Variants in RAD18 observed in about 807,000 individuals in gnomAD.
RAD18 encodes E3 ubiquitin-protein ligase RAD18.
In RAD18, 47 loss-of-function variants were observed where a neutral mutation model predicts 60.4. The ratio of observed to expected loss-of-function variants is 0.78; its 90% confidence interval spans 0.62 to 0.99. The LOEUF (loss-of-function observed/expected upper bound fraction) is 0.99. Among genes scored for constraint, RAD18 ranks in the 50% least tolerant of loss-of-function variants. The probability of loss-of-function intolerance (pLI) is 0.00; values close to 1 mark genes in which losing one functional copy is unlikely to be tolerated. For missense variants in RAD18, 640 were observed against 593.3 expected, an observed-to-expected ratio of 1.08 and a Z score of -0.82; for synonymous variants, 225 against 195.5, an observed-to-expected ratio of 1.15 and a Z score of -1.26.
Position 8,878,318 on chromosome 3 carries a change from G to C in RAD18, c.*3039C>G, listed in dbSNP as rs2125042832. 6.6e-6 allele frequency: 1 copy of C among 152,222 alleles called. No homozygotes were observed. The highest frequency in any genetic ancestry group is 1.9e-4 in the East Asian group (1 of 5,180). The allele number at this position is 152,222 out of a possible 1,614,324, so 9.4% of individuals were successfully genotyped here. A position where few individuals can be genotyped will look rare whatever the true frequency, so the allele number is the denominator to read the frequency against. ...GTGTTAATGTAAATACTTGTTTACAGCCTCAGATAGTTGTTCTTAAGGATG... is the reference window on the plus strand; with the variant it reads ...GTGTTAATGTAAATACTTGTTTACACCCTCAGATAGTTGTTCTTAAGGATG... On this transcript the variant is annotated 3_prime_UTR_variant, in exon 13 of 13. Transcript: ENST00000264926.
chr3:8,960,936 T>C (rs765654945), intron 1 of RAD18, among the ~76,000 whole-genome samples: 3 of 152,196 alleles, frequency 2.0e-5, no homozygotes, highest in African/African-American at 7.2e-5. Flanking sequence ...TAAATTTTTG[T>C]TAAAGTAAAA....
chr3:8,885,648 C>T (rs2125045185), intron 12 of RAD18, among the ~76,000 whole-genome samples: 1 of 152,212 alleles, frequency 6.6e-6, no homozygotes, highest in African/African-American at 2.4e-5. Context: ...AAGACAGGCA[C>T]TGTAAGGGAG....
chr3:8,905,962 C>T (rs2125052372), intron 9 of RAD18, among the ~76,000 whole-genome samples: 1 of 152,292 alleles, frequency 6.6e-6, no homozygotes, highest in East Asian at 1.9e-4. Flanking sequence ...TTGTTCTTAC[C>T]ATGAAACAAC....
intron 11 of RAD18, among the ~76,000 whole-genome samples, chr3:8,891,692 G>A (rs7349590): frequency 6.6e-6 from 1 of 152,218 alleles, no homozygotes; most frequent in African/African-American, 2.4e-5. Context: ...CCCCACCTCA[G>A]GCACTCACCT....
rs1939407874 is a variant in RAD18 at position 8,878,757 on chromosome 3, T to C, written c.*2600A>G. 6.6e-6 allele frequency: 1 copy of C among 152,214 alleles called. No homozygotes were observed. Among genetic ancestry groups the C allele is most frequent in the Admixed American group, 6.5e-5 (1 of 15,290 alleles). The allele number at this position is 152,214 out of a possible 1,614,324, so 9.4% of individuals were successfully genotyped here. A position where few individuals can be genotyped will look rare whatever the true frequency, so the allele number is the denominator to read the frequency against. On this transcript the variant is annotated 3_prime_UTR_variant, in exon 13 of 13. Transcript: ENST00000264926. Reference sequence around the variant, plus strand: ...GCCTGGCATACTAGGCCATCTAAAGTGCATCCAGCAGCTCACCTGCACCCC... The same window carrying C: ...GCCTGGCATACTAGGCCATCTAAAGCGCATCCAGCAGCTCACCTGCACCCC...
chr3:8,925,127 T>C (rs1190250276), intron 7 of RAD18, among the ~76,000 whole-genome samples: 1 of 152,218 alleles, frequency 6.6e-6, no homozygotes, highest in Non-Finnish European at 1.5e-5. Context: ...CAGGAGCTGG[T>C]TTTTTGAAAA....
At position 8,920,716 on chromosome 3, in the gene RAD18, G is replaced by A. The variant is rs115992877; in HGVS notation, c.890-6996C>T. On this transcript the variant is annotated intron_variant, in intron 7 of 12. Coordinates refer to ENST00000264926, the MANE Select transcript of RAD18 (RefSeq NM_020165.4). ...TAATCTGAATTTTCTGCCAGAATGAGAAGATTTTACTTGAAAAACACACAC... is the reference window on the plus strand; with the variant it reads ...TAATCTGAATTTTCTGCCAGAATGAAAAGATTTTACTTGAAAAACACACAC... Among the ~76,000 whole-genome samples the A allele has an allele frequency of 1.9e-3, 290 of 152,276 alleles. 1 individual carries two copies. The highest frequency in any genetic ancestry group is 3.6e-3 in the Non-Finnish European group (243 of 68,024).
At chr3:8,917,104 C>G (rs1306540167) in intron 7 of RAD18, among the ~76,000 whole-genome samples, 1 of 152,016 alleles carries the variant, frequency 6.6e-6, no homozygotes, top group Non-Finnish European at 1.5e-5. Context: ...AAAGAAAAAT[C>G]AAGAATTACA....
At chr3:8,899,099 C>G in intron 10 of RAD18, 52 bp from the exon 11 acceptor site, 1 of 1,401,016 alleles carries the variant, frequency 7.1e-7, no homozygotes, top group Non-Finnish European at 9.8e-7. Flanking sequence ...TTCTGTATGC[C>G]TATTACTTCT....
chr3:8,947,511 G>A (rs1023345017), intron 3 of RAD18, among the ~76,000 whole-genome samples: 3 of 152,154 alleles, frequency 2.0e-5, no homozygotes, highest in East Asian at 1.9e-4. Context: ...GCTCTCCAGA[G>A]CTTCTCTTAT....
intron 7 of RAD18, among the ~76,000 whole-genome samples, chr3:8,924,588 C>A (rs539710901): frequency 1.5e-5 from 2 of 134,672 alleles, no homozygotes; most frequent in African/African-American, 5.5e-5. Flanking sequence ...GAACTCTCCA[C>A]CCCAAATCAA....
chr3:8,927,592 T>C (rs985129824), intron 7 of RAD18, among the ~76,000 whole-genome samples: 3 of 152,218 alleles, frequency 2.0e-5, no homozygotes, highest in Non-Finnish European at 4.4e-5. Context: ...ACCATGCTGC[T>C]ATTAAGACAC....
chr3:8,923,612 A>T (rs370686950), intron 7 of RAD18, among the ~76,000 whole-genome samples: 8 of 152,046 alleles, frequency 5.3e-5, no homozygotes, highest in African/African-American at 1.2e-4. Context: ...CACATAATTG[A>T]CAGATTCACC....
intron 2 of RAD18, among the ~76,000 whole-genome samples, chr3:8,957,358 C>T (rs867967070): frequency 2.0e-4 from 31 of 151,840 alleles, no homozygotes; most frequent in Admixed American, 2.0e-3. Flanking sequence ...TAAAATGCAA[C>T]GATCCTAAAA....
At chr3:8,887,853 C>T (rs1355030778) in intron 12 of RAD18, among the ~76,000 whole-genome samples, 3 of 152,118 alleles carry the variant, frequency 2.0e-5, no homozygotes, top group Non-Finnish European at 4.4e-5. Flanking sequence ...TAAGGAGAGG[C>T]TGGTCAATTC....
intron 7 of RAD18, among the ~76,000 whole-genome samples, chr3:8,921,132 G>A (rs1319531663): frequency 6.6e-6 from 1 of 152,158 alleles, no homozygotes; most frequent in Non-Finnish European, 1.5e-5. Flanking sequence ...CACATTCACA[G>A]AAAAAGAGAG....
intron 3 of RAD18, 91 bp downstream of exon 3, chr3:8,948,418 C>T: frequency 9.3e-7 from 1 of 1,071,546 alleles, no homozygotes; most frequent in Non-Finnish European, 1.4e-6. Context: ...AACTACACAT[C>T]ACCCTATATA....
chr3:8,890,256 C>A, intron 12 of RAD18, 133 bp downstream of exon 12: 1 of 668,618 alleles, frequency 1.5e-6, no homozygotes, highest in Non-Finnish European at 2.6e-6. Context: ...AACTGAAAAT[C>A]TTTACCTTGC....
intron 7 of RAD18, among the ~76,000 whole-genome samples, chr3:8,933,696 A>C (rs901991765): frequency 6.6e-6 from 1 of 152,236 alleles, no homozygotes; most frequent in Admixed American, 6.5e-5. Flanking sequence ...AAAATCAAAG[A>C]CAAAAAAGGG....
Sources: allele counts gnomAD v4.1 joint callset (sites outside exome capture counted in the v4.1 genomes callset), GRCh38; gene constraint gnomAD v4.1.1; transcripts MANE v1.5; gene names NCBI Gene and HGNC (gene_info 2026-07-23, HGNC 2026-07-21).